CCDC18: variants seen among roughly 807,000 people sequenced by gnomAD.
The protein encoded by CCDC18 is coiled-coil domain-containing protein 18.
A neutral mutation model predicts 196.0 loss-of-function variants in CCDC18; 157 were observed. The observed-to-expected ratio is 0.80, with a 90% confidence interval of 0.70 to 0.91. The LOEUF (loss-of-function observed/expected upper bound fraction) is 0.91. Among genes scored for constraint, CCDC18 ranks in the 40% least tolerant of loss-of-function variants. CCDC18 has a pLI of 0.00. For missense variants in CCDC18, 1,465 were observed against 1,611.6 expected (o/e 0.91, Z 1.56); for synonymous variants, 482 against 529.2 (o/e 0.91, Z 1.22).
intron 18 of CCDC18, among the ~76,000 whole-genome samples, chr1:93,234,917 A>C (rs1659810900): frequency 7.1e-6 from 1 of 141,100 alleles, no homozygotes; most frequent in Non-Finnish European, 1.5e-5. Context: ...CCAAGTGCAT[A>C]CCACCATGCC....
intron 3 of CCDC18, among the ~76,000 whole-genome samples, chr1:93,184,453 A>G (rs1650282674): frequency 1.3e-5 from 2 of 151,932 alleles, no homozygotes; most frequent in Non-Finnish European, 2.9e-5. Context: ...TTAACACTAC[A>G]TCTTATACAT....
chr1:93,242,187 C>T (rs1300567078), intron 21 of CCDC18, among the ~76,000 whole-genome samples: 2 of 152,132 alleles, frequency 1.3e-5, no homozygotes, highest in Admixed American at 6.5e-5. Flanking sequence ...TGTCTTAGTC[C>T]GTTTTCATGC....
chr1:93,230,352 C>T (rs928328839), intron 17 of CCDC18, among the ~76,000 whole-genome samples: 1 of 150,986 alleles, frequency 6.6e-6, no homozygotes, highest in Non-Finnish European at 1.5e-5. Flanking sequence ...ATTAGCCGGG[C>T]GTGGTGGTGG....
intron 16 of CCDC18, 35 bp from the exon 17 acceptor site, chr1:93,226,298 G>GTT (rs34227600): frequency 1.4e-3 from 828 of 589,310 alleles, no homozygotes; most frequent in East Asian, 2.4e-3. Context: ...ATCGTTTTGT[G>GTT]TTTTTTTTTT....
At chr1:93,212,370 C>T (rs1655794063) in intron 11 of CCDC18, 109 bp downstream of exon 11, 3 of 616,326 alleles carry the variant, frequency 4.9e-6, no homozygotes, top group Non-Finnish European at 7.7e-6. Context: ...TTCAGGGATA[C>T]ATGTGCAGAT....
intron 17 of CCDC18, among the ~76,000 whole-genome samples, chr1:93,231,333 C>CAA (rs1448205254): frequency 1.4e-4 from 21 of 152,040 alleles, no homozygotes; most frequent in Non-Finnish European, 2.6e-4. Flanking sequence ...ACCTACAGCC[C>CAA]ATTCTCTAAT....
At chr1:93,265,063 G>A (rs1289662231) in intron 27 of CCDC18, 162 bp downstream of exon 27, 3 of 574,088 alleles carry the variant, frequency 5.2e-6, no homozygotes, top group Non-Finnish European at 9.4e-6. Flanking sequence ...AAATTATTAA[G>A]ATGATGTACA....
chr1:93,274,326 C>T (rs551601391), intron 28 of CCDC18, among the ~76,000 whole-genome samples: 96 of 152,004 alleles, frequency 6.3e-4, no homozygotes, highest in South Asian at 4.2e-3. Flanking sequence ...TGCTTGAACC[C>T]GGGAGGCAGA....
intron 7 of CCDC18, among the ~76,000 whole-genome samples, chr1:93,203,931 A>G (rs1358092271): frequency 6.6e-6 from 1 of 152,200 alleles, no homozygotes; most frequent in African/African-American, 2.4e-5. Context: ...AGAGCAACTT[A>G]TTAAAGTAGA....
intron 27 of CCDC18, among the ~76,000 whole-genome samples, chr1:93,265,543 C>A (rs1345408178): frequency 6.6e-6 from 1 of 152,116 alleles, no homozygotes; most frequent in Admixed American, 6.5e-5. Flanking sequence ...AAAAAGACTG[C>A]AGCTGTGTAC....
intron 27 of CCDC18, among the ~76,000 whole-genome samples, chr1:93,265,610 G>A (rs1201608347): frequency 2.0e-5 from 3 of 152,068 alleles, no homozygotes; most frequent in African/African-American, 7.2e-5. Flanking sequence ...TTAAGAATGT[G>A]AATGTAGGAT....
At chr1:93,227,257 C>T (rs1658516742) in intron 17 of CCDC18, among the ~76,000 whole-genome samples, 1 of 135,422 alleles carries the variant, frequency 7.4e-6, no homozygotes, top group Non-Finnish European at 1.5e-5. Context: ...CTCCTGGGTT[C>T]AAGCAATTTT....
At chr1:93,180,150 G>A (rs11543931), upstream of CCDC18, 5 of 1,613,712 alleles carry the variant, frequency 3.1e-6, no homozygotes, top group Admixed American at 3.3e-5. Context: ...CGCTATCGAG[G>A]GAAGGTGTGA....
intron 19 of CCDC18, among the ~76,000 whole-genome samples, chr1:93,236,603 T>C (rs928700107): frequency 6.6e-6 from 1 of 152,208 alleles, no homozygotes; most frequent in Non-Finnish European, 1.5e-5. Flanking sequence ...CTACTATAAG[T>C]TTCTTAAGGC....
At chr1:93,192,326 AT>A (rs536531699) in intron 5 of CCDC18, among the ~76,000 whole-genome samples, 20 of 152,228 alleles carry the variant, frequency 1.3e-4, no homozygotes, top group Non-Finnish European at 2.8e-4. Context: ...TGAGATGCCT[AT>A]TTACATGCTT....
intron 17 of CCDC18, among the ~76,000 whole-genome samples, chr1:93,227,080 AT>A (rs961544186): frequency 6.7e-6 from 1 of 148,612 alleles, no homozygotes; most frequent in Middle Eastern, 3.2e-3. Context: ...AGAATTTTTC[AT>A]TTTGTTTTTG....
At chr1:93,180,696 G>A (rs765265198), upstream of CCDC18, 5 of 1,354,476 alleles carry the variant, frequency 3.7e-6, no homozygotes, top group African/African-American at 1.5e-5. Context: ...CAGTGACCGG[G>A]TAGGCGCGTC....
chr1:93,228,761 C>G (rs1025353771), intron 17 of CCDC18, among the ~76,000 whole-genome samples: 1 of 151,772 alleles, frequency 6.6e-6, no homozygotes, highest in African/African-American at 2.4e-5. Flanking sequence ...CATACCCACA[C>G]TCCGCTTCAT....
At chr1:93,221,120 A>T (rs1175802089) in intron 14 of CCDC18, among the ~76,000 whole-genome samples, 1 of 152,158 alleles carries the variant, frequency 6.6e-6, no homozygotes, top group Non-Finnish European at 1.5e-5. Flanking sequence ...TAATAGAATG[A>T]CTTACATTCC....
Sources: gnomAD v4.1 joint callset for allele counts (sites outside exome capture counted in the v4.1 genomes callset) on GRCh38, gnomAD v4.1.1 for gene constraint, MANE v1.5 for transcripts, NCBI Gene and HGNC (gene_info 2026-07-23, HGNC 2026-07-21) for gene names.